The following AGMO variants were observed in gnomAD, a reference collection of about 807,000 sequenced individuals.
AGMO encodes alkylglycerol monooxygenase.
In AGMO, 75 loss-of-function variants were observed where a neutral mutation model predicts 60.2. The observed-to-expected ratio is 1.25, with a 90% CI of 1.03 to 1.51. The LOEUF is 1.51. Ranked by LOEUF, AGMO falls within the 40% of genes most tolerant of loss-of-function variation. The pLI is 0.00. For synonymous variants in AGMO, 261 were observed against 177.1 expected, an observed-to-expected ratio of 1.47 and a Z score of -3.76; for missense variants, 763 against 525.5, an observed-to-expected ratio of 1.45 and a Z score of -4.42.
At chr7:15,474,915 T>C (rs898605353) in intron 3 of AGMO, among the ~76,000 whole-genome samples, 1 of 152,010 alleles carries the variant, frequency 6.6e-6, no homozygotes, top group Admixed American at 6.6e-5. Context: ...AAAGAAGACA[T>C]TTATGTGGCC....
intron 5 of AGMO, 114 bp from the exon 6 acceptor site, chr7:15,394,293 T>C (rs1224633097): frequency 7.2e-6 from 6 of 831,640 alleles, no homozygotes; most frequent in Non-Finnish European, 1.2e-5. Flanking sequence ...AATTTCAGGG[T>C]TGGTATCAGA....
chr7:15,395,374 A>T (rs1334758219), intron 5 of AGMO, among the ~76,000 whole-genome samples: 1 of 152,240 alleles, frequency 6.6e-6, no homozygotes, highest in South Asian at 2.1e-4. Flanking sequence ...GCATAACTAA[A>T]TTTAAGGTGT....
chr7:15,237,224 T>C (rs1398881029), intron 12 of AGMO, among the ~76,000 whole-genome samples: 1 of 152,102 alleles, frequency 6.6e-6, no homozygotes, highest in Non-Finnish European at 1.5e-5. Context: ...CCAGTAAGTG[T>C]GCGTGGAGAA....
At chr7:15,310,821 C>T (rs139683231) in intron 12 of AGMO, among the ~76,000 whole-genome samples, 81 of 152,180 alleles carry the variant, frequency 5.3e-4, no homozygotes, top group African/African-American at 1.9e-3. Flanking sequence ...GGGCTGTGTT[C>T]CTTTCTGGTG....
intron 3 of AGMO, among the ~76,000 whole-genome samples, chr7:15,454,038 A>G (rs1781927860): frequency 6.7e-6 from 1 of 148,994 alleles, no homozygotes; most frequent in Non-Finnish European, 1.5e-5. Flanking sequence ...TTTTTTATAT[A>G]TATATACCAC....
intron 11 of AGMO, among the ~76,000 whole-genome samples, 171 bp downstream of exon 11, chr7:15,365,969 T>C (rs1207261665): frequency 6.6e-6 from 1 of 152,076 alleles, no homozygotes; most frequent in East Asian, 1.9e-4. Flanking sequence ...AATGAGTAGT[T>C]AGGAGAACTG....
the AGMO span, among the ~76,000 whole-genome samples, chr7:15,163,261 T>G: frequency 6.6e-6 from 1 of 152,206 alleles, no homozygotes; most frequent in Non-Finnish European, 1.5e-5. Context: ...GATCATTTTG[T>G]CAGCAAACAG....
chr7:15,368,173 G>T (rs1783057581), intron 10 of AGMO, among the ~76,000 whole-genome samples: 1 of 151,878 alleles, frequency 6.6e-6, no homozygotes, highest in South Asian at 2.1e-4. Context: ...ATTAGATACA[G>T]GATGGGTGAG....
intron 3 of AGMO, among the ~76,000 whole-genome samples, chr7:15,543,255 C>A (rs1006288665): frequency 6.6e-6 from 1 of 152,108 alleles, no homozygotes; most frequent in Non-Finnish European, 1.5e-5. Context: ...ATGCTTTTTT[C>A]TCCTCAGAGA....
chr7:15,373,315 G>C (rs1264071323), intron 10 of AGMO, among the ~76,000 whole-genome samples: 1 of 151,876 alleles, frequency 6.6e-6, no homozygotes, highest in African/African-American at 2.4e-5. Context: ...CGTTTTCATA[G>C]GTTTCCCAGT....
intron 12 of AGMO, among the ~76,000 whole-genome samples, chr7:15,288,765 A>G (rs1051286087): frequency 6.2e-5 from 9 of 145,990 alleles, no homozygotes; most frequent in African/African-American, 2.2e-4. Flanking sequence ...AATCATCCTG[A>G]AAAAAAAAAA....
intron 8 of AGMO, among the ~76,000 whole-genome samples, chr7:15,389,772 A>G (rs537495649): frequency 2.0e-5 from 3 of 152,310 alleles, no homozygotes; most frequent in African/African-American, 7.2e-5. Flanking sequence ...AGAAAATGGG[A>G]ATGAAAAGAG....
At chr7:15,516,280 AC>A (rs1386651946) in intron 3 of AGMO, among the ~76,000 whole-genome samples, 1 of 152,188 alleles carries the variant, frequency 6.6e-6, no homozygotes, top group African/African-American at 2.4e-5. Flanking sequence ...GGAAGCATGT[AC>A]AAAATCCCCC....
At chr7:15,208,179 C>T (rs971257966) in intron 12 of AGMO, among the ~76,000 whole-genome samples, 4 of 152,132 alleles carry the variant, frequency 2.6e-5, no homozygotes, top group African/African-American at 7.2e-5. Flanking sequence ...CTTAATGCTA[C>T]AGAAGAGTGA....
At chr7:15,547,759 G>A (rs538566338) in intron 2 of AGMO, among the ~76,000 whole-genome samples, 3,915 of 149,218 alleles carry the variant, frequency 0.026, 153 homozygotes, top group African/African-American at 0.063. Flanking sequence ...GCCATTGCCC[G>A]GGCTTGATTA....
intron 5 of AGMO, among the ~76,000 whole-genome samples, chr7:15,398,211 A>T (rs2128488744): frequency 6.6e-6 from 1 of 152,302 alleles, no homozygotes; most frequent in Non-Finnish European, 1.5e-5. Flanking sequence ...GTGTGCAGCC[A>T]GATGTAAAGC....
At chr7:15,392,177 C>A (rs1184390028) in intron 6 of AGMO, among the ~76,000 whole-genome samples, 1 of 152,052 alleles carries the variant, frequency 6.6e-6, no homozygotes, top group African/African-American at 2.4e-5. Context: ...TCACGCCATT[C>A]TCCTGCCTCA....
chr7:15,457,404 T>A (rs981503422), intron 3 of AGMO, among the ~76,000 whole-genome samples: 6 of 152,202 alleles, frequency 3.9e-5, no homozygotes, highest in Non-Finnish European at 7.4e-5. Context: ...AGTTTAACAA[T>A]TTTTCTGCAA....
the AGMO span, among the ~76,000 whole-genome samples, chr7:15,188,853 T>C: frequency 1.3e-5 from 2 of 152,180 alleles, no homozygotes; most frequent in African/African-American, 4.8e-5. Flanking sequence ...AGCATTGTTC[T>C]GATTTTGATA....
Sources: allele counts gnomAD v4.1 joint callset (sites outside exome capture counted in the v4.1 genomes callset), GRCh38; gene constraint gnomAD v4.1.1; transcripts MANE v1.5; gene names NCBI Gene and HGNC (gene_info 2026-07-23, HGNC 2026-07-21).